IL7: variants seen among roughly 807,000 people sequenced by gnomAD.
IL7 encodes interleukin 7, also known as interleukin-7.
In IL7, 3 loss-of-function variants were observed where a neutral mutation model predicts 21.6. That is an observed-to-expected ratio of 0.14 (90% CI 0.06 to 0.36). The LOEUF is 0.36. Ranked by LOEUF, IL7 falls within the 10% of genes least tolerant of loss-of-function variation. The pLI is 1.00. For synonymous variants in IL7, 62 were observed against 68.1 expected (o/e 0.91, Z 0.44); for missense variants, 175 against 200.2 (o/e 0.87, Z 0.76).
chr8:78,712,160 C>G, intron 3 of IL7: 1 of 1,055,148 alleles, frequency 9.5e-7, no homozygotes, highest in East Asian at 5.9e-5. Flanking sequence ...TCCTTAAAAG[C>G]TTTATATAAT....
chr8:78,780,226 C>A (rs1452595414), intron 2 of IL7, among the ~76,000 whole-genome samples: 1 of 151,538 alleles, frequency 6.6e-6, no homozygotes, highest in East Asian at 1.9e-4. Flanking sequence ...ATGTCTACAT[C>A]TGCTTCAATT....
chr8:78,752,937 T>C (rs1462379077), intron 2 of IL7, among the ~76,000 whole-genome samples: 1 of 152,234 alleles, frequency 6.6e-6, no homozygotes, highest in Non-Finnish European at 1.5e-5. Flanking sequence ...TTATTTTTTA[T>C]GGCTGTATAG....
chr8:78,747,039 T>G, intron 2 of IL7: 1 of 456,734 alleles, frequency 2.2e-6, no homozygotes, highest in Non-Finnish European at 4.4e-6. Flanking sequence ...TAATTATTGC[T>G]CATAGCTGAT....
chr8:78,724,522 T>C (rs1252750337), intron 3 of IL7, among the ~76,000 whole-genome samples: 2 of 94,180 alleles, frequency 2.1e-5, no homozygotes, highest in Admixed American at 1.2e-4. Context: ...CTCAAACTTA[T>C]ATTTCTTATA....
intron 4 of IL7, among the ~76,000 whole-genome samples, chr8:78,736,819 A>T (rs1409753057): frequency 2.0e-5 from 3 of 152,168 alleles, no homozygotes; most frequent in African/African-American, 7.2e-5. Flanking sequence ...ATAGTAGGGT[A>T]TAGTAGCAGA....
At chr8:78,798,397 A>G (rs575635887) in intron 1 of IL7, among the ~76,000 whole-genome samples, 189 bp from the exon 2 acceptor site, 3 of 152,196 alleles carry the variant, frequency 2.0e-5, no homozygotes, top group South Asian at 4.1e-4. Flanking sequence ...TTTGGAGTAT[A>G]GCGTCCTTTC....
chr8:78,753,948 T>C (rs1812262080), intron 2 of IL7, among the ~76,000 whole-genome samples: 1 of 152,118 alleles, frequency 6.6e-6, no homozygotes, highest in Non-Finnish European at 1.5e-5. Flanking sequence ...TTGGTTCCAT[T>C]ACCATGCTGT....
intron 6 of IL7, chr8:78,718,414 T>A (rs1166656113): frequency 6.6e-6 from 1 of 151,992 alleles, no homozygotes; most frequent in African/African-American, 2.4e-5. Context: ...ATAAATCATT[T>A]TAATGCATCT....
At chr8:78,710,478 A>G (rs1205926236) in intron 3 of IL7, among the ~76,000 whole-genome samples, 1 of 152,038 alleles carries the variant, frequency 6.6e-6, no homozygotes, top group Non-Finnish European at 1.5e-5. Context: ...TCTTTCTTGA[A>G]CTGAACTTTG....
chr8:78,695,555 T>C (rs1810373018), intron 3 of IL7, among the ~76,000 whole-genome samples: 1 of 152,182 alleles, frequency 6.6e-6, no homozygotes, highest in Non-Finnish European at 1.5e-5. Flanking sequence ...ATTAACTCTG[T>C]TTTTATAGAC....
At chr8:78,742,579 T>A (rs1427693392) in intron 2 of IL7, among the ~76,000 whole-genome samples, 1 of 152,186 alleles carries the variant, frequency 6.6e-6, no homozygotes, top group East Asian at 1.9e-4. Flanking sequence ...AAACTATAAT[T>A]ACAGTATACA....
chr8:78,696,019 A>T (rs3780003), intron 3 of IL7, among the ~76,000 whole-genome samples: 83,557 of 151,952 alleles, frequency 0.55, 25,362 homozygotes, highest in South Asian at 0.7. Flanking sequence ...TTTGAAAATG[A>T]TAATTTAAAA....
intron 3 of IL7, among the ~76,000 whole-genome samples, chr8:78,699,280 GA>G (rs911147743): frequency 7.9e-5 from 12 of 151,886 alleles, no homozygotes; most frequent in Non-Finnish European, 1.5e-4. Flanking sequence ...ATAGTTATGG[GA>G]AAAATTGTAA....
At chr8:78,792,285 T>A (rs529271244) in intron 2 of IL7, among the ~76,000 whole-genome samples, 1 of 152,102 alleles carries the variant, frequency 6.6e-6, no homozygotes, top group Non-Finnish European at 1.5e-5. Context: ...ATAAATTAAC[T>A]CAATATGAAT....
chr8:78,744,472 A>T (rs1811908718), intron 2 of IL7, among the ~76,000 whole-genome samples: 2 of 152,156 alleles, frequency 1.3e-5, no homozygotes, highest in Non-Finnish European at 2.9e-5. Flanking sequence ...AACAGTGAAG[A>T]TGGTGGCCTT....
intron 3 of IL7, among the ~76,000 whole-genome samples, chr8:78,691,457 C>T (rs1469992614): frequency 6.6e-6 from 1 of 152,012 alleles, no homozygotes; most frequent in African/African-American, 2.4e-5. Context: ...TCTTTTCTCT[C>T]TATTCCTTAT....
chr8:78,774,992 G>T (rs1037132842), intron 2 of IL7, among the ~76,000 whole-genome samples: 3 of 152,014 alleles, frequency 2.0e-5, no homozygotes, highest in Non-Finnish European at 4.4e-5. Flanking sequence ...TCATGAAAGG[G>T]TAATGAACAA....
At chr8:78,690,687 G>C (rs1009084210) in intron 3 of IL7, among the ~76,000 whole-genome samples, 1 of 151,946 alleles carries the variant, frequency 6.6e-6, no homozygotes, top group Non-Finnish European at 1.5e-5. Context: ...AAATCAATTT[G>C]AGAAGAATTG....
chr8:78,791,024 T>A (rs1353384796), intron 2 of IL7, among the ~76,000 whole-genome samples: 3 of 151,918 alleles, frequency 2.0e-5, no homozygotes, highest in African/African-American at 7.3e-5. Context: ...GATATACAGA[T>A]GAACAAAATG....
Sources: allele counts gnomAD v4.1 joint callset (sites outside exome capture counted in the v4.1 genomes callset), GRCh38; gene constraint gnomAD v4.1.1; transcripts MANE v1.5; gene names NCBI Gene and HGNC (gene_info 2026-07-23, HGNC 2026-07-21).